DGLUCY: variants seen among roughly 807,000 people sequenced by gnomAD.
DGLUCY encodes the protein D-glutamate cyclase, mitochondrial.
DGLUCY carries 58 observed loss-of-function variants against 58.5 expected under a neutral mutation model. The observed-to-expected ratio is 0.99, with a 90% CI of 0.80 to 1.23. DGLUCY has a LOEUF of 1.23. Ranked by LOEUF, DGLUCY falls within the 50% of genes most tolerant of loss-of-function variation. The pLI is 0.00. For missense variants in DGLUCY, 779 were observed against 784.7 expected, an observed-to-expected ratio of 0.99 and a Z score of 0.09; for synonymous variants, 325 against 314.1, an observed-to-expected ratio of 1.03 and a Z score of -0.37.
chr14:91,183,107 T>G (rs1347847995), intron 8 of DGLUCY, among the ~76,000 whole-genome samples: 1 of 151,984 alleles, frequency 6.6e-6, no homozygotes, highest in Admixed American at 6.6e-5. Flanking sequence ...TCCTCCCACC[T>G]CAGCCTCCTG....
intron 1 of DGLUCY, among the ~76,000 whole-genome samples, chr14:91,102,736 A>AGAGTGTATGTGT (rs1555391094): frequency 1.6e-5 from 1 of 60,736 alleles, no homozygotes; most frequent in African/African-American, 5.0e-5. Context: ...GACCCCTTCC[A>AGAGTGTATGTGT]GTGTGTATGT....
chr14:91,112,146 G>T (rs1238324464), upstream of DGLUCY, among the ~76,000 whole-genome samples: 1 of 151,938 alleles, frequency 6.6e-6, no homozygotes, highest in Non-Finnish European at 1.5e-5. Flanking sequence ...CTACTCGGGA[G>T]GCTGAGGCAG....
intron 12 of DGLUCY, among the ~76,000 whole-genome samples, chr14:91,206,389 T>C (rs1338578258): frequency 1.3e-5 from 2 of 152,034 alleles, no homozygotes; most frequent in African/African-American, 4.8e-5. Context: ...GTTTCTTTTT[T>C]TTTTCTTTTC....
intron 12 of DGLUCY, among the ~76,000 whole-genome samples, chr14:91,205,826 T>TCCC (rs1238333454): frequency 8.6e-6 from 1 of 116,308 alleles, no homozygotes; most frequent in African/African-American, 3.6e-5. Flanking sequence ...CTCCTCCTCC[T>TCCC]CCCTTTCTTC....
At chr14:91,149,945 G>A (rs2047219447) in intron 1 of DGLUCY, among the ~76,000 whole-genome samples, 1 of 152,158 alleles carries the variant, frequency 6.6e-6, no homozygotes, top group Non-Finnish European at 1.5e-5. Flanking sequence ...TTTGGGCTGG[G>A]TGCGGTGGCT....
chr14:91,068,075 G>GCACACACACA (rs778305281), intron 1 of DGLUCY, among the ~76,000 whole-genome samples: 1 of 45,996 alleles, frequency 2.2e-5, no homozygotes, highest in East Asian at 9.4e-4. Context: ...ACACACACGC[G>GCACACACACA]CACGCACACA....
chr14:91,202,058 A>T (rs149391645), intron 11 of DGLUCY, among the ~76,000 whole-genome samples: 1 of 142,598 alleles, frequency 7.0e-6, no homozygotes, highest in East Asian at 2.1e-4. Context: ...TCTGTCTCAA[A>T]AATAATAATA....
At chr14:91,208,487 G>A (rs112346206) in intron 12 of DGLUCY, among the ~76,000 whole-genome samples, 1,994 of 152,186 alleles carry the variant, frequency 0.013, 43 homozygotes, top group African/African-American at 0.046. Context: ...GGTGGCTCAC[G>A]CCTGTAATCG....
chr14:91,117,194 T>C (rs919799893), intron 1 of DGLUCY, among the ~76,000 whole-genome samples: 3 of 152,202 alleles, frequency 2.0e-5, no homozygotes, highest in African/African-American at 7.2e-5. Flanking sequence ...TTTTGCATGC[T>C]AATGCATTAT....
intron 6 of DGLUCY, among the ~76,000 whole-genome samples, chr14:91,174,249 C>T (rs1446825336): frequency 6.8e-6 from 1 of 148,006 alleles, no homozygotes; most frequent in African/African-American, 2.7e-5. Flanking sequence ...CACACCTTGC[C>T]CTGGGCATCT....
chr14:91,111,200 ATATGTGTGTGTGTGTGTGTG>A (rs1343398284), upstream of DGLUCY, among the ~76,000 whole-genome samples: 15 of 79,152 alleles, frequency 1.9e-4, 1 homozygote, highest in African/African-American at 2.6e-4. Flanking sequence ...TTATTTATAT[ATATGTGTGTGTGTGTGTGTG>A]TGTGTGTGTG....
intron 1 of DGLUCY, among the ~76,000 whole-genome samples, chr14:91,078,278 T>A (rs931065630): frequency 3.3e-5 from 5 of 152,180 alleles, no homozygotes; most frequent in African/African-American, 1.2e-4. Context: ...TAAAAGGCAG[T>A]ATGAATCAGT....
intron 8 of DGLUCY, among the ~76,000 whole-genome samples, chr14:91,185,758 A>G (rs898809366): frequency 1.9e-4 from 29 of 151,888 alleles, no homozygotes; most frequent in East Asian, 5.8e-4. Flanking sequence ...TGGTGCACCC[A>G]TTGCTTAATA....
chr14:91,159,082 C>T (rs1254450172), intron 2 of DGLUCY: 1 of 149,460 alleles, frequency 6.7e-6, no homozygotes, highest in African/African-American at 2.4e-5. Context: ...CCTCCTGCCT[C>T]AGCCTCTCAA....
intron 13 of DGLUCY, chr14:91,216,459 T>C (rs971158394): frequency 2.6e-5 from 4 of 152,064 alleles, no homozygotes; most frequent in African/African-American, 9.7e-5. Flanking sequence ...CTGGACAACA[T>C]GGTGAAACCT....
At chr14:91,090,173 G>A (rs952414851) in intron 1 of DGLUCY, among the ~76,000 whole-genome samples, 9 of 152,146 alleles carry the variant, frequency 5.9e-5, no homozygotes, top group African/African-American at 1.9e-4. Context: ...ACCGCCACAG[G>A]GAGGAAAACA....
intron 5 of DGLUCY, among the ~76,000 whole-genome samples, chr14:91,171,614 A>G (rs2048577343): frequency 6.6e-6 from 1 of 152,228 alleles, no homozygotes; most frequent in Admixed American, 6.5e-5. Flanking sequence ...CCGAGGTTCC[A>G]TCCTGCTGCC....
At chr14:91,152,964 G>A (rs2047406394) in intron 1 of DGLUCY, among the ~76,000 whole-genome samples, 1 of 152,104 alleles carries the variant, frequency 6.6e-6, no homozygotes, top group African/African-American at 2.4e-5. Flanking sequence ...GAGCTGTGAG[G>A]GCTTCAGTGG....
At chr14:91,076,351 C>T (rs1026760183) in intron 1 of DGLUCY, among the ~76,000 whole-genome samples, 1 of 152,162 alleles carries the variant, frequency 6.6e-6, no homozygotes, top group Non-Finnish European at 1.5e-5. Flanking sequence ...CTCTCATGTA[C>T]TTTATAATCT....
Sources: gnomAD v4.1 joint callset for allele counts (sites outside exome capture counted in the v4.1 genomes callset) on GRCh38, gnomAD v4.1.1 for gene constraint, MANE v1.5 for transcripts, NCBI Gene and HGNC (gene_info 2026-07-23, HGNC 2026-07-21) for gene names.